GLIS1: variants seen among roughly 807,000 people sequenced by gnomAD.
GLIS1 encodes the protein GLIS family zinc finger 1.
In GLIS1, 24 loss-of-function variants were observed where a neutral mutation model predicts 63.8. The ratio of observed to expected loss-of-function variants is 0.38; its 90% confidence interval spans 0.27 to 0.53. The LOEUF is 0.53. Among genes scored for constraint, GLIS1 ranks in the 20% least tolerant of loss-of-function variants. GLIS1 has a pLI of 0.85. For synonymous variants in GLIS1, 450 were observed against 482.5 expected (o/e 0.93, Z 0.88); for missense variants, 1,036 against 1,074.1 (o/e 0.96, Z 0.50).
At chr1:53,648,484 G>C (rs1227442667) in intron 2 of GLIS1, among the ~76,000 whole-genome samples, 1 of 152,152 alleles carries the variant, frequency 6.6e-6, no homozygotes, top group Non-Finnish European at 1.5e-5. Flanking sequence ...ACATCCTATA[G>C]CTCAGCAGTT....
chr1:53,550,885 T>C (rs889209521), intron 4 of GLIS1, among the ~76,000 whole-genome samples: 1 of 152,142 alleles, frequency 6.6e-6, no homozygotes, highest in African/African-American at 2.4e-5. Flanking sequence ...AGAGTCTTGC[T>C]CTGTGCCCAG....
intron 4 of GLIS1, among the ~76,000 whole-genome samples, chr1:53,577,266 C>G (rs1645041658): frequency 6.6e-6 from 1 of 152,100 alleles, no homozygotes; most frequent in South Asian, 2.1e-4. Context: ...TGCCCCAGAT[C>G]AAGTCACAGC....
At chr1:53,538,408 C>T (rs1644604213) in intron 4 of GLIS1, among the ~76,000 whole-genome samples, 1 of 152,190 alleles carries the variant, frequency 6.6e-6, no homozygotes, top group African/African-American at 2.4e-5. Context: ...CACCATCTCA[C>T]TAATCCTGCA....
At chr1:53,510,669 G>A (rs1644289865) in intron 8 of GLIS1, among the ~76,000 whole-genome samples, 1 of 152,184 alleles carries the variant, frequency 6.6e-6, no homozygotes, top group South Asian at 2.1e-4. Flanking sequence ...TATAGACAAA[G>A]TGTGATGTCC....
chr1:53,665,754 G>A (rs1293046862), intron 2 of GLIS1, among the ~76,000 whole-genome samples: 1 of 152,194 alleles, frequency 6.6e-6, no homozygotes, highest in Non-Finnish European at 1.5e-5. Context: ...GGAGGTAGGA[G>A]AACCAAGAGG....
chr1:53,581,549 T>C (rs1234304724), intron 4 of GLIS1, among the ~76,000 whole-genome samples: 1 of 152,192 alleles, frequency 6.6e-6, no homozygotes, highest in Non-Finnish European at 1.5e-5. Flanking sequence ...GAGCTCAAGT[T>C]TGGCTGGAGG....
At chr1:53,686,779 C>T (rs912849842) in intron 2 of GLIS1, among the ~76,000 whole-genome samples, 11 of 148,644 alleles carry the variant, frequency 7.4e-5, no homozygotes, top group African/African-American at 2.2e-4. Flanking sequence ...GAACGTGTGA[C>T]GGGTTCAGAG....
chr1:53,680,460 G>A (rs1180482907), intron 2 of GLIS1, among the ~76,000 whole-genome samples: 1 of 152,202 alleles, frequency 6.6e-6, no homozygotes, highest in Non-Finnish European at 1.5e-5. Context: ...ACAGAGCTGT[G>A]TCACCATGGG....
intron 4 of GLIS1, among the ~76,000 whole-genome samples, chr1:53,551,936 T>C (rs1319622058): frequency 6.6e-6 from 1 of 151,776 alleles, no homozygotes; most frequent in Non-Finnish European, 1.5e-5. Context: ...GCAGAAGCAC[T>C]CCATATTCAC....
chr1:53,713,763 A>G (rs1486551355), intron 2 of GLIS1, among the ~76,000 whole-genome samples: 1 of 152,238 alleles, frequency 6.6e-6, no homozygotes, highest in Admixed American at 6.5e-5. Context: ...ACCCTACCTC[A>G]AAACAAGAGA....
intron 4 of GLIS1, among the ~76,000 whole-genome samples, chr1:53,591,650 T>A (rs1459249012): frequency 6.6e-6 from 1 of 152,124 alleles, no homozygotes; most frequent in East Asian, 1.9e-4. Flanking sequence ...AAAATGGGGG[T>A]TCACAGTATC....
intron 2 of GLIS1, among the ~76,000 whole-genome samples, chr1:53,649,549 T>A (rs1448185114): frequency 1.3e-5 from 2 of 152,226 alleles, no homozygotes; most frequent in Non-Finnish European, 2.9e-5. Context: ...AGGACCCATA[T>A]GAACTGCCAC....
chr1:53,652,045 G>A (rs1645914885), intron 2 of GLIS1, among the ~76,000 whole-genome samples: 1 of 152,158 alleles, frequency 6.6e-6, no homozygotes, highest in Non-Finnish European at 1.5e-5. Context: ...CACCCACTGT[G>A]GGACAGCTGG....
chr1:53,546,726 T>TTC (rs1644703405), intron 4 of GLIS1, among the ~76,000 whole-genome samples: 5 of 152,204 alleles, frequency 3.3e-5, no homozygotes, highest in Admixed American at 3.3e-4. Context: ...GCGGCCATCA[T>TTC]TCTCTTTCCA....
chr1:53,508,969 C>T (rs1644266821), intron 10 of GLIS1, 151 bp downstream of exon 10: 1 of 740,216 alleles, frequency 1.4e-6, no homozygotes, highest in East Asian at 2.9e-5. Context: ...GTCCTGGGAC[C>T]TCTCTGAGCC....
At chr1:53,578,087 G>A (rs1364558819) in intron 4 of GLIS1, among the ~76,000 whole-genome samples, 8 of 152,142 alleles carry the variant, frequency 5.3e-5, no homozygotes, top group Admixed American at 4.6e-4. Context: ...GTCACCCTCG[G>A]GGACCTTGGA....
intron 2 of GLIS1, among the ~76,000 whole-genome samples, chr1:53,622,862 G>T (rs1364763527): frequency 6.6e-6 from 1 of 152,242 alleles, no homozygotes; most frequent in Non-Finnish European, 1.5e-5. Context: ...TTTAAAATTT[G>T]TGGGTAATTT....
At chr1:53,593,987 A>G in intron 4 of GLIS1, 121 bp downstream of exon 4, 2 of 1,206,424 alleles carry the variant, frequency 1.7e-6, no homozygotes, top group Non-Finnish European at 2.3e-6. Context: ...TTCCTCCTCA[A>G]CCACAGGGAT....
intron 2 of GLIS1, among the ~76,000 whole-genome samples, chr1:53,612,033 A>T (rs1331601897): frequency 6.6e-6 from 1 of 151,996 alleles, no homozygotes; most frequent in African/African-American, 2.4e-5. Context: ...ATGTCTTGCT[A>T]TATTGCCCAG....
Sources: gnomAD v4.1 joint callset for allele counts (sites outside exome capture counted in the v4.1 genomes callset) on GRCh38, gnomAD v4.1.1 for gene constraint, MANE v1.5 for transcripts, NCBI Gene and HGNC (gene_info 2026-07-23, HGNC 2026-07-21) for gene names.